CADPS2: variants seen among roughly 807,000 people sequenced by gnomAD.
CADPS2 encodes calcium dependent secretion activator 2, also known as calcium-dependent secretion activator 2.
A neutral mutation model predicts 172.5 loss-of-function variants in CADPS2; 93 were observed. That is an observed-to-expected ratio of 0.54 (90% CI 0.46 to 0.64). CADPS2 has a LOEUF of 0.64. Ranked by LOEUF, CADPS2 falls within the 30% of genes least tolerant of loss-of-function variation. CADPS2 has a pLI of 0.00. For synonymous variants in CADPS2, 546 were observed against 555.2 expected (o/e 0.98, Z 0.23); for missense variants, 1,420 against 1,565.9 (o/e 0.91, Z 1.57).
chr7:122,732,661 A>G (rs1262082917), intron 2 of CADPS2, among the ~76,000 whole-genome samples: 2 of 145,660 alleles, frequency 1.4e-5, no homozygotes, highest in Non-Finnish European at 3.0e-5. Flanking sequence ...ATATTTGTGT[A>G]TAATATATAT....
chr7:122,500,625 C>G (rs571653014), intron 9 of CADPS2, among the ~76,000 whole-genome samples: 1 of 152,226 alleles, frequency 6.6e-6, no homozygotes, highest in Admixed American at 6.5e-5. Context: ...CAGGCTTACC[C>G]TTTCAGGATA....
intron 1 of CADPS2, among the ~76,000 whole-genome samples, chr7:122,796,662 T>G (rs1047879967): frequency 6.6e-6 from 1 of 152,100 alleles, no homozygotes; most frequent in African/African-American, 2.4e-5. Flanking sequence ...GCTACCCATA[T>G]GCAGAAGACT....
At chr7:122,452,086 A>C (rs1356532954) in intron 14 of CADPS2, among the ~76,000 whole-genome samples, 1 of 151,962 alleles carries the variant, frequency 6.6e-6, no homozygotes, top group Non-Finnish European at 1.5e-5. Context: ...AATCAATGTG[A>C]GTTTCATCAG....
intron 6 of CADPS2, among the ~76,000 whole-genome samples, chr7:122,614,214 C>T (rs2074630656): frequency 6.6e-6 from 1 of 152,000 alleles, no homozygotes; most frequent in Non-Finnish European, 1.5e-5. Flanking sequence ...AGAGATTGGT[C>T]AAGGGCAGGC....
chr7:122,329,150 C>T (rs2034471049), intron 28 of CADPS2, among the ~76,000 whole-genome samples: 1 of 152,166 alleles, frequency 6.6e-6, no homozygotes, highest in African/African-American at 2.4e-5. Flanking sequence ...TGCAGTTCAT[C>T]AGCTTTCTTA....
intron 2 of CADPS2, among the ~76,000 whole-genome samples, chr7:122,723,227 A>G (rs1026913516): frequency 1.3e-5 from 2 of 152,184 alleles, no homozygotes; most frequent in African/African-American, 4.8e-5. Flanking sequence ...AGAAACTACC[A>G]TCAGAGTGAA....
At chr7:122,338,031 A>C (rs771112115) in intron 28 of CADPS2, among the ~76,000 whole-genome samples, 3 of 152,244 alleles carry the variant, frequency 2.0e-5, no homozygotes, top group Non-Finnish European at 2.9e-5. Context: ...TATATAACCA[A>C]TTAGTCAAAC....
intron 14 of CADPS2, among the ~76,000 whole-genome samples, 174 bp downstream of exon 14, chr7:122,471,201 C>T (rs1369729594): frequency 6.6e-6 from 1 of 150,916 alleles, no homozygotes; most frequent in African/African-American, 2.4e-5. Context: ...TGTAGCCCAC[C>T]TAAATCAATA....
At chr7:122,771,304 T>C (rs1361662480) in intron 1 of CADPS2, among the ~76,000 whole-genome samples, 1 of 152,170 alleles carries the variant, frequency 6.6e-6, no homozygotes, top group Non-Finnish European at 1.5e-5. Context: ...GAGAGAACAC[T>C]CCGGTAGCAA....
intron 8 of CADPS2, among the ~76,000 whole-genome samples, chr7:122,539,483 G>A (rs73433738): frequency 0.05 from 7,608 of 152,042 alleles, 220 homozygotes; most frequent in South Asian, 0.085. Flanking sequence ...GGGCAGGAGC[G>A]AAATAAGAGA....
intron 17 of CADPS2, among the ~76,000 whole-genome samples, chr7:122,431,980 A>C (rs931073464): frequency 6.6e-6 from 1 of 152,212 alleles, no homozygotes. Context: ...CATCACATAT[A>C]AAATGCTTAG....
rs949169232 is a variant in CADPS2, at chr7:122,706,406, T to C, written c.453+30549A>G. 4.6e-4 allele frequency among the ~76,000 whole-genome samples: 62 copies of C among 133,370 alleles called. 1 individual carries two copies. The highest frequency in any genetic ancestry group is 1.6e-3 in the Admixed American group (20 of 12,234). 87.5% of individuals were successfully genotyped at this position (133,370 alleles called of 152,430 possible). ...TATGCTTATATATTCAAGGAATATA[T>C]ATATATGCTTATATATTCAAGGAAT... On this transcript the variant is annotated intron_variant, in intron 2 of 29. Transcript: ENST00000449022.
In CADPS2 at chr7:122,455,282, C is replaced by T. The variant is rs368458971; in HGVS notation, c.2187-3807G>A. On this transcript the variant is annotated intron_variant, in intron 14 of 29. Transcript: ENST00000449022. ...TATGCACACATGCACACCTGGCTTG[C>T]TTGCTCACTTTCTTCTGGTCTCTAC... 3.3e-4 allele frequency among the ~76,000 whole-genome samples: 50 copies of T among 152,222 alleles called. No homozygotes were observed. In the East Asian group the frequency reaches 3.9e-3, roughly 12 times the overall value.
At chr7:122,683,752 A>C (rs1430288289) in intron 2 of CADPS2, among the ~76,000 whole-genome samples, 1 of 151,362 alleles carries the variant, frequency 6.6e-6, no homozygotes, top group African/African-American at 2.4e-5. Flanking sequence ...GAAGAAAAAA[A>C]AAACAAACAG....
At chr7:122,690,412 G>A (rs1047450943) in intron 2 of CADPS2, among the ~76,000 whole-genome samples, 3 of 152,100 alleles carry the variant, frequency 2.0e-5, no homozygotes, top group Non-Finnish European at 4.4e-5. Context: ...GTTCCCCTAC[G>A]AACGGCTAAT....
intron 2 of CADPS2, among the ~76,000 whole-genome samples, chr7:122,691,406 G>A (rs921651241): frequency 4.6e-5 from 7 of 152,258 alleles, no homozygotes; most frequent in African/African-American, 1.7e-4. Context: ...ACTGCTATAG[G>A]CCCTAGCCAA....
intron 8 of CADPS2, among the ~76,000 whole-genome samples, chr7:122,553,607 C>T (rs2064607620): frequency 6.6e-6 from 1 of 152,102 alleles, no homozygotes; most frequent in Admixed American, 6.6e-5. Flanking sequence ...CTGCCCAGAG[C>T]CTAACTTTGT....
intron 1 of CADPS2, among the ~76,000 whole-genome samples, chr7:122,780,554 T>G (rs1792418428): frequency 1.3e-5 from 2 of 152,160 alleles, no homozygotes; most frequent in African/African-American, 4.8e-5. Flanking sequence ...CTGGGTTTGT[T>G]TGTTTGTTTG....
At chr7:122,548,457 AAACT>A (rs2063851890) in intron 8 of CADPS2, among the ~76,000 whole-genome samples, 1 of 152,184 alleles carries the variant, frequency 6.6e-6, no homozygotes, top group African/African-American at 2.4e-5. Flanking sequence ...GATGAAATTA[AAACT>A]AACTCACCTG....
Sources: gnomAD v4.1 joint callset for allele counts (sites outside exome capture counted in the v4.1 genomes callset) on GRCh38, gnomAD v4.1.1 for gene constraint, MANE v1.5 for transcripts, NCBI Gene and HGNC (gene_info 2026-07-23, HGNC 2026-07-21) for gene names.